NRXN3: variants seen among roughly 807,000 people sequenced by gnomAD.
NRXN3 encodes neurexin III.
NRXN3 carries 32 observed loss-of-function variants against 137.6 expected under a neutral mutation model. That is an observed-to-expected ratio of 0.23 (90% confidence interval 0.18 to 0.31). The LOEUF (loss-of-function observed/expected upper bound fraction) is 0.31, where lower values mean the gene tolerates loss of function less well. Among genes scored for constraint, NRXN3 ranks in the 10% least tolerant of loss-of-function variants. NRXN3 has a pLI of 1.00. For missense variants in NRXN3, 1,574 were observed against 2,062.5 expected (o/e 0.76, Z 4.59); for synonymous variants, 798 against 784.5 (o/e 1.02, Z -0.29).
intron 10 of NRXN3, among the ~76,000 whole-genome samples, chr14:78,837,491 G>T (rs2099000359): frequency 6.7e-6 from 1 of 150,352 alleles, no homozygotes; most frequent in Admixed American, 6.6e-5. Flanking sequence ...TATTTTTGTG[G>T]GTTTTTTTTT....
intron 15 of NRXN3, among the ~76,000 whole-genome samples, chr14:79,130,185 G>A (rs552118108): frequency 9.4e-4 from 142 of 151,162 alleles, no homozygotes; most frequent in African/African-American, 3.3e-3. Flanking sequence ...TACATTTAAA[G>A]TTAATATTGT....
intron 10 of NRXN3, among the ~76,000 whole-genome samples, chr14:78,897,295 A>G (rs898430282): frequency 6.6e-6 from 1 of 151,966 alleles, no homozygotes; most frequent in African/African-American, 2.4e-5. Flanking sequence ...ATTTGAATGA[A>G]TGAAAAAATG....
chr14:79,804,825 C>T (rs2099197186), intron 19 of NRXN3, among the ~76,000 whole-genome samples: 1 of 152,094 alleles, frequency 6.6e-6, no homozygotes, highest in Admixed American at 6.6e-5. Context: ...AGTAAGGCTA[C>T]AAAATGTCAT....
chr14:79,802,548 T>C (rs2099185981), intron 19 of NRXN3, among the ~76,000 whole-genome samples: 1 of 152,206 alleles, frequency 6.6e-6, no homozygotes, highest in Non-Finnish European at 1.5e-5. Flanking sequence ...AACCAAACTT[T>C]CCTGCCTTTG....
chr14:78,334,150 C>T lies in NRXN3; in HGVS notation c.757+36290C>T, dbSNP rs115717430. ...TTACAGGGAAAGGGCAAGAGTCTAG[C>T]TTAGTCATATTATATCTGAGATGCC... On this transcript the variant is annotated intron_variant, in intron 4 of 20. Coordinates refer to ENST00000335750, the MANE Select transcript of NRXN3 (RefSeq NM_001330195.2). Among the ~76,000 whole-genome samples the T allele has an allele frequency of 5.1e-3, 775 of 152,170 alleles. 5 individuals are homozygous for T. Among genetic ancestry groups the T allele is most frequent in the African/African-American group, 0.018 (737 of 41,500 alleles).
intron 20 of NRXN3, among the ~76,000 whole-genome samples, chr14:79,843,357 G>C (rs907001889): frequency 2.0e-5 from 3 of 152,202 alleles, no homozygotes; most frequent in African/African-American, 7.2e-5. Flanking sequence ...AAATGCTAGT[G>C]ATCAACAGTA....
At chr14:78,558,880 C>T (rs1600452079) in intron 4 of NRXN3, among the ~76,000 whole-genome samples, 1 of 152,344 alleles carries the variant, frequency 6.6e-6, no homozygotes, top group East Asian at 1.9e-4. Flanking sequence ...TCTTAATCCT[C>T]ATGGACATGG....
chr14:78,232,661 C>T (rs541554459), intron 1 of NRXN3, among the ~76,000 whole-genome samples: 82 of 152,332 alleles, frequency 5.4e-4, no homozygotes, highest in Admixed American at 3.9e-3. Flanking sequence ...TCTCCCCCAG[C>T]CCTCCCTGCT....
chr14:79,589,575 CAAAT>C (rs1346929588), intron 16 of NRXN3, among the ~76,000 whole-genome samples: 2 of 103,338 alleles, frequency 1.9e-5, no homozygotes, highest in Non-Finnish European at 3.9e-5. Flanking sequence ...AAAAAGGAAT[CAAAT>C]AAGGAAGAGA....
chr14:79,464,467 A>G (rs1033015203), intron 15 of NRXN3, among the ~76,000 whole-genome samples: 48 of 152,112 alleles, frequency 3.2e-4, no homozygotes, highest in African/African-American at 1.1e-3. Context: ...GAAATTATAT[A>G]TTTATGTATT....
chr14:78,468,313 G>A (rs1278529900), intron 4 of NRXN3, among the ~76,000 whole-genome samples: 1 of 152,136 alleles, frequency 6.6e-6, no homozygotes, highest in Non-Finnish European at 1.5e-5. Context: ...TGGTTTGGGG[G>A]CATAATGGGG....
chr14:78,958,920 G>T (rs949677608), intron 11 of NRXN3, among the ~76,000 whole-genome samples: 1 of 152,160 alleles, frequency 6.6e-6, no homozygotes, highest in African/African-American at 2.4e-5. Context: ...AGCCCTGGGG[G>T]TCTAATATAA....
intron 15 of NRXN3, among the ~76,000 whole-genome samples, chr14:79,231,705 A>G (rs1176615378): frequency 6.6e-6 from 1 of 152,200 alleles, no homozygotes; most frequent in Admixed American, 6.5e-5. Flanking sequence ...AAGGAAGAAC[A>G]TCTCAATTTT....
chr14:79,371,510 T>C (rs2094109025), intron 15 of NRXN3, among the ~76,000 whole-genome samples: 1 of 152,148 alleles, frequency 6.6e-6, no homozygotes, highest in Non-Finnish European at 1.5e-5. Context: ...TCCAAATAAA[T>C]GTCTTTTTTT....
intron 17 of NRXN3, among the ~76,000 whole-genome samples, chr14:79,684,829 G>T (rs1289816714): frequency 6.6e-6 from 1 of 152,124 alleles, no homozygotes; most frequent in Non-Finnish European, 1.5e-5. Context: ...GATGGGGAGT[G>T]GGAGGAAGAG....
intron 16 of NRXN3, among the ~76,000 whole-genome samples, chr14:79,593,630 CAAAA>C (rs58254245): frequency 1.3e-5 from 1 of 74,802 alleles, no homozygotes. Context: ...GACTCCGTCT[CAAAA>C]AAAAAAAAAA....
chr14:78,336,226 G>A (rs1308911047), intron 4 of NRXN3, among the ~76,000 whole-genome samples: 2 of 152,152 alleles, frequency 1.3e-5, no homozygotes, highest in Non-Finnish European at 2.9e-5. Flanking sequence ...TTGACTTGGA[G>A]TTGCAGTGAG....
intron 4 of NRXN3, among the ~76,000 whole-genome samples, chr14:78,523,985 A>T (rs2096334527): frequency 6.6e-6 from 1 of 152,184 alleles, no homozygotes; most frequent in Non-Finnish European, 1.5e-5. Flanking sequence ...ACTACAAAAC[A>T]GCCCAATCAA....
intron 15 of NRXN3, among the ~76,000 whole-genome samples, chr14:79,068,865 T>C (rs114046570): frequency 0.012 from 1,779 of 152,194 alleles, 30 homozygotes; most frequent in African/African-American, 0.037. Context: ...TCAGTTATAC[T>C]ATTCAAGCTG....
Sources: gnomAD v4.1 joint callset for allele counts (sites outside exome capture counted in the v4.1 genomes callset) on GRCh38, gnomAD v4.1.1 for gene constraint, MANE v1.5 for transcripts, NCBI Gene and HGNC (gene_info 2026-07-23, HGNC 2026-07-21) for gene names.